The following BRSK2 variants were observed in gnomAD, a reference collection of about 807,000 sequenced individuals.
BRSK2 encodes the protein BR serine/threonine kinase 2.
A neutral mutation model predicts 83.3 loss-of-function variants in BRSK2; 19 were observed. That is an observed-to-expected ratio of 0.23 (90% CI 0.16 to 0.33). The LOEUF (loss-of-function observed/expected upper bound fraction) is 0.33. Ranked by LOEUF, BRSK2 falls within the 10% of genes least tolerant of loss-of-function variation. The pLI is 1.00. For missense variants in BRSK2, 798 were observed against 1,042.3 expected, an observed-to-expected ratio of 0.77 and a Z score of 3.23; for synonymous variants, 519 against 435.4, an observed-to-expected ratio of 1.19 and a Z score of -2.39.
chr11:1,415,846 G>A (rs1392329735), intron 1 of BRSK2, among the ~76,000 whole-genome samples: 3 of 152,268 alleles, frequency 2.0e-5, no homozygotes, highest in Admixed American at 6.5e-5. Context: ...GCTCCACCAC[G>A]GCCTCCTCGG....
intron 12 of BRSK2, among the ~76,000 whole-genome samples, chr11:1,446,640 A>G (rs1057162699): frequency 4.2e-4 from 63 of 148,884 alleles, no homozygotes; most frequent in Non-Finnish European, 1.2e-4. Context: ...GAGGAAGGGC[A>G]CCCAGCCCCT....
chr11:1,443,085 G>A, intron 5 of BRSK2, 21 bp from the exon 6 acceptor site: 2 of 1,532,420 alleles, frequency 1.3e-6, no homozygotes, highest in Non-Finnish European at 1.7e-6. Flanking sequence ...CCCCGCCGCT[G>A]ACCTCTGCCC....
At chr11:1,406,204 C>T (rs1174142888) in intron 1 of BRSK2, among the ~76,000 whole-genome samples, 1 of 152,216 alleles carries the variant, frequency 6.6e-6, no homozygotes, top group Admixed American at 6.5e-5. Context: ...GGCGCAGTGG[C>T]TCACGCCTGT....
chr11:1,425,383 C>T (rs1424309299), intron 1 of BRSK2, among the ~76,000 whole-genome samples: 2 of 152,180 alleles, frequency 1.3e-5, no homozygotes, highest in East Asian at 3.9e-4. Context: ...CCAGACATGC[C>T]CACTGAGCTC....
chr11:1,460,616 G>A lies in BRSK2; in HGVS notation c.2104G>A (p.Gly702Ser), dbSNP rs1366074989. ...CAAGCGGAGTGCCCACGGCCCACTC[G>A]GTGACTCCGCGGCCGCTGGCCCTGG... is the stretch of plus-strand genomic sequence containing the variant. ...PAKRSAHGPLGDSAAAGPGPG... is the reference protein window; with the variant it reads ...PAKRSAHGPLSDSAAAGPGPG... Residue 702 changes from glycine (G) to serine (S), a missense_variant, in exon 20 of 20, where the codon GGT becomes AGT. Around this residue, in one of 6 missense-constraint regions of BRSK2, gnomAD observed 455 missense variants for 455.2 expected, o/e 1.00. Transcript: ENST00000528841. 31 of 1,531,284 alleles carry A rather than the reference G, an allele frequency of 2.0e-5. No individual in the cohort carries two copies. The highest frequency in any genetic ancestry group is 3.4e-4 in the Middle Eastern group (2 of 5,914). 94.9% of individuals were successfully genotyped at this position (1,531,284 alleles called of 1,614,324 possible).
At chr11:1,395,392 C>T (rs73407490) in intron 1 of BRSK2, among the ~76,000 whole-genome samples, 16,089 of 152,198 alleles carry the variant, frequency 0.11, 2,545 homozygotes, top group African/African-American at 0.35. Flanking sequence ...TCAGTGACTG[C>T]GCCAGGGTGG....
At chr11:1,394,761 GC>G (rs1188062271) in intron 1 of BRSK2, among the ~76,000 whole-genome samples, 3 of 98,916 alleles carry the variant, frequency 3.0e-5, no homozygotes, top group South Asian at 4.7e-4. Context: ...CTGGAGATGG[GC>G]CCCTGGAGAT....
chr11:1,438,826 C>T lies in BRSK2; in HGVS notation c.272+435C>T, dbSNP rs1313461290. On this transcript the variant is annotated intron_variant, in intron 3 of 19. Coordinates refer to ENST00000528841, the MANE Select transcript of BRSK2 (RefSeq NM_001256627.2). The surrounding 1 kb of genome is among the most constrained non-coding windows in gnomAD (Gnocchi z 6.4). ...TCACACGAGGCACAGCCACCAGGAT[C>T]CCGCCCTGGCTGGACCGTGGCTGAG... is the stretch of plus-strand genomic sequence containing the variant. 6.6e-6 allele frequency among the ~76,000 whole-genome samples: 1 copy of T among 152,200 alleles called. No individual in the cohort carries two copies. The highest frequency in any genetic ancestry group is 1.5e-5 in the Non-Finnish European group (1 of 68,024).
intron 1 of BRSK2, among the ~76,000 whole-genome samples, chr11:1,424,256 A>G (rs981366317): frequency 6.6e-5 from 10 of 152,176 alleles, no homozygotes; most frequent in Non-Finnish European, 1.2e-4. Context: ...CCTGCCGGCC[A>G]GGCGGAGGGA....
At chr11:1,443,968 G>T (rs1026691679) in intron 8 of BRSK2, among the ~76,000 whole-genome samples, 3 of 152,170 alleles carry the variant, frequency 2.0e-5, no homozygotes, top group Non-Finnish European at 4.4e-5. Context: ...AAGGGTGTGG[G>T]GGTACCCAGG....
chr11:1,406,582 G>C (rs1448825195), intron 1 of BRSK2, among the ~76,000 whole-genome samples: 1 of 152,236 alleles, frequency 6.6e-6, no homozygotes, highest in Non-Finnish European at 1.5e-5. Context: ...CAACACAGGA[G>C]GGCGGGGGCC....
intron 13 of BRSK2, 63 bp downstream of exon 13, chr11:1,449,899 G>T: frequency 2.3e-6 from 3 of 1,317,214 alleles, no homozygotes; most frequent in Non-Finnish European, 2.2e-6. Context: ...CCCAGTCAGC[G>T]TGTGCCAGGG....
chr11:1,440,579 T>C (rs1178814837), intron 3 of BRSK2, among the ~76,000 whole-genome samples: 1 of 151,036 alleles, frequency 6.6e-6, no homozygotes, highest in Non-Finnish European at 1.5e-5. Flanking sequence ...CCAGGCTCCT[T>C]GAAGACTCAT....
chr11:1,404,339 G>A (rs1431134128), intron 1 of BRSK2, among the ~76,000 whole-genome samples: 2 of 152,098 alleles, frequency 1.3e-5, no homozygotes, highest in Non-Finnish European at 1.5e-5. Flanking sequence ...CTCCTATCAC[G>A]TCCCCTCTTC....
intron 1 of BRSK2, among the ~76,000 whole-genome samples, chr11:1,428,317 A>T (rs1453585281): frequency 1.1e-4 from 17 of 152,168 alleles, no homozygotes; most frequent in Non-Finnish European, 2.9e-5. Context: ...CGTGGGCAGG[A>T]TCTATGGATG....
intron 1 of BRSK2, among the ~76,000 whole-genome samples, chr11:1,420,945 T>C (rs886165062): frequency 1.1e-4 from 17 of 152,224 alleles, no homozygotes; most frequent in Admixed American, 5.9e-4. Context: ...GCCCTCTGGC[T>C]GGGTGCTGGC....
chr11:1,425,288 T>C (rs1023411492), intron 1 of BRSK2, among the ~76,000 whole-genome samples: 1 of 152,130 alleles, frequency 6.6e-6, no homozygotes, highest in Non-Finnish European at 1.5e-5. Context: ...CAGGCTGGGC[T>C]GGAGGGGCTG....
intron 1 of BRSK2, among the ~76,000 whole-genome samples, chr11:1,422,756 A>G (rs1322354210): frequency 2.6e-5 from 4 of 152,212 alleles, no homozygotes; most frequent in African/African-American, 9.6e-5. Context: ...AACTGGACAC[A>G]CTTCCTCCAG....
chr11:1,393,218 G>A (rs964024060), intron 1 of BRSK2, among the ~76,000 whole-genome samples: 3 of 152,194 alleles, frequency 2.0e-5, no homozygotes, highest in Non-Finnish European at 4.4e-5. Context: ...GAGGGTGTGT[G>A]GCACGGGCTG....
Sources: allele counts gnomAD v4.1 joint callset (sites outside exome capture counted in the v4.1 genomes callset), GRCh38; gene constraint gnomAD v4.1.1; regional missense constraint gnomAD v4.1.1; non-coding constraint Gnocchi (gnomAD v3.1); transcripts MANE v1.5; gene names NCBI Gene and HGNC (gene_info 2026-07-23, HGNC 2026-07-21).